LAMA2: variants seen among roughly 807,000 people sequenced by gnomAD.
LAMA2 encodes the protein laminin subunit alpha-2.
Under a neutral mutation model 364.8 loss-of-function variants are expected in LAMA2, and 269 were observed. That is an observed-to-expected ratio of 0.74 (90% CI 0.67 to 0.82). LAMA2 has a LOEUF of 0.82. Among genes scored for constraint, LAMA2 ranks in the 40% least tolerant of loss-of-function variants. The pLI, the probability that LAMA2 is intolerant of heterozygous loss-of-function variation, is 0.00. For missense variants in LAMA2, 3,807 were observed against 3,873.2 expected (o/e 0.98, Z 0.45); for synonymous variants, 1,379 against 1,370.6 (o/e 1.01, Z -0.14).
intron 1 of LAMA2, among the ~76,000 whole-genome samples, chr6:128,978,730 G>A (rs561162269): frequency 2.6e-5 from 4 of 152,240 alleles, no homozygotes; most frequent in African/African-American, 9.6e-5. Flanking sequence ...TAAGAAACAG[G>A]GTTCTCAATA....
chr6:129,253,892 A>G (rs530545829), intron 14 of LAMA2, among the ~76,000 whole-genome samples: 31 of 152,198 alleles, frequency 2.0e-4, no homozygotes, highest in South Asian at 8.3e-4. Context: ...AGCTAATCCA[A>G]GTAGGTGGCT....
chr6:129,477,472 C>T (rs1002490369), intron 53 of LAMA2, among the ~76,000 whole-genome samples: 2 of 152,138 alleles, frequency 1.3e-5, no homozygotes, highest in Non-Finnish European at 2.9e-5. Context: ...TATGTAGGTA[C>T]TATGATTATT....
chr6:129,341,268 C>T (rs996509054), intron 29 of LAMA2, among the ~76,000 whole-genome samples: 5 of 152,170 alleles, frequency 3.3e-5, no homozygotes, highest in African/African-American at 1.2e-4. Flanking sequence ...CTGGCGGCTT[C>T]GTGGCTCCAG....
At chr6:129,243,717 T>A (rs1299073476) in intron 12 of LAMA2, among the ~76,000 whole-genome samples, 1 of 151,860 alleles carries the variant, frequency 6.6e-6, no homozygotes, top group African/African-American at 2.4e-5. Flanking sequence ...ATTGTAGTGG[T>A]CACATTGAAA....
At chr6:129,253,368 TC>T (rs1481976055) in intron 14 of LAMA2, among the ~76,000 whole-genome samples, 1 of 152,126 alleles carries the variant, frequency 6.6e-6, no homozygotes, top group African/African-American at 2.4e-5. Context: ...ACCTCTCACC[TC>T]CCTGTCCCTC....
chr6:128,886,347 A>G (rs1776147386), intron 1 of LAMA2, among the ~76,000 whole-genome samples: 1 of 152,130 alleles, frequency 6.6e-6, no homozygotes, highest in African/African-American at 2.4e-5. Context: ...CATTGTTTAT[A>G]TGTTTAGGAA....
intron 10 of LAMA2, among the ~76,000 whole-genome samples, chr6:129,180,238 A>G (rs983981882): frequency 3.3e-5 from 5 of 152,276 alleles, no homozygotes; most frequent in African/African-American, 1.2e-4. Context: ...GGAGATATAA[A>G]TTCAAATTAA....
intron 12 of LAMA2, among the ~76,000 whole-genome samples, chr6:129,225,932 G>A (rs911019544): frequency 6.6e-6 from 1 of 152,018 alleles, no homozygotes; most frequent in East Asian, 1.9e-4. Flanking sequence ...TTGACAGTGG[G>A]GTGTTAAAGT....
At chr6:129,416,851 G>T (rs968758515) in intron 40 of LAMA2, among the ~76,000 whole-genome samples, 2 of 152,194 alleles carry the variant, frequency 1.3e-5, no homozygotes, top group African/African-American at 4.8e-5. Context: ...ACTGTGCACA[G>T]CTAAGCGTGC....
intron 40 of LAMA2, among the ~76,000 whole-genome samples, chr6:129,421,601 AG>A (rs2114730031): frequency 6.6e-6 from 1 of 152,248 alleles, no homozygotes; most frequent in Admixed American, 6.5e-5. Flanking sequence ...ATGCTGGAAA[AG>A]GTTCTCTCCA....
intron 4 of LAMA2, among the ~76,000 whole-genome samples, chr6:129,100,016 A>G (rs1267737555): frequency 6.6e-6 from 1 of 152,230 alleles, no homozygotes; most frequent in Non-Finnish European, 1.5e-5. Context: ...TAAGACTAAT[A>G]ATTCTCAAAC....
rs370458956 is a variant in LAMA2, at chr6:129,011,719, G to A, written c.113-38199G>A. 6.6e-5 allele frequency among the ~76,000 whole-genome samples: 10 copies of A among 152,246 alleles called. No homozygotes were observed. The East Asian group carries it at 1.7e-3, about 26-fold the overall frequency. ...GTTTCTCTTAGTACTGTTTACTCCGGACTTTCAGGGTCAGTAGGCAAGCTT... is the reference window on the plus strand; with the variant it reads ...GTTTCTCTTAGTACTGTTTACTCCGAACTTTCAGGGTCAGTAGGCAAGCTT... On this transcript the variant is annotated intron_variant, in intron 1 of 64. Coordinates refer to ENST00000421865, the MANE Select transcript of LAMA2 (RefSeq NM_000426.4).
rs1249555595 is a variant in LAMA2, at chr6:129,395,723, C to A, written c.5445+2468C>A. ...TAAGCAAAGGAGGGAGTCTAAGTCA[C>A]CCCTGAGTTTAGGAAGAGCTTTGTA... On this transcript the variant is annotated intron_variant, in intron 37 of 64. Transcript: ENST00000421865. 2.0e-5 allele frequency among the ~76,000 whole-genome samples: 3 copies of A among 152,210 alleles called. No homozygotes were observed. In the East Asian group the frequency reaches 5.8e-4, roughly 29 times the overall value.
intron 4 of LAMA2, among the ~76,000 whole-genome samples, chr6:129,119,731 G>T (rs1396045360): frequency 6.6e-6 from 1 of 151,978 alleles, no homozygotes; most frequent in African/African-American, 2.4e-5. Flanking sequence ...TGTATTTTTA[G>T]TACAGACGGG....
At chr6:129,443,028 T>G in intron 43 of LAMA2, 35 bp from the exon 44 acceptor site, 1 of 1,528,128 alleles carries the variant, frequency 6.5e-7, no homozygotes, top group Non-Finnish European at 9.0e-7. Context: ...TTTATAATTT[T>G]TTTTTGTTTT....
chr6:129,335,356 G>GTAGGTAGGTAGATAGA (rs763964423), intron 29 of LAMA2, among the ~76,000 whole-genome samples: 2 of 148,366 alleles, frequency 1.3e-5, no homozygotes, highest in African/African-American at 5.0e-5. Context: ...TAGTAAGTAG[G>GTAGGTAGGTAGATAGA]TAGATAGATA....
intron 30 of LAMA2, among the ~76,000 whole-genome samples, chr6:129,346,896 C>T (rs1370841245): frequency 6.6e-6 from 1 of 152,076 alleles, no homozygotes; most frequent in Non-Finnish European, 1.5e-5. Flanking sequence ...ACAGATGAGA[C>T]TTGTGCAGAA....
At chr6:129,115,192 T>A (rs1435146876) in intron 4 of LAMA2, among the ~76,000 whole-genome samples, 1 of 152,078 alleles carries the variant, frequency 6.6e-6, no homozygotes, top group Non-Finnish European at 1.5e-5. Context: ...GCCAGGAAAT[T>A]CCCAATTTTG....
chr6:129,023,577 T>C (rs1273748302), intron 1 of LAMA2, among the ~76,000 whole-genome samples: 1 of 152,220 alleles, frequency 6.6e-6, no homozygotes, highest in African/African-American at 2.4e-5. Context: ...TCTTTGAGTC[T>C]TCCTTCTCTC....
Sources: gnomAD v4.1 joint callset for allele counts (sites outside exome capture counted in the v4.1 genomes callset) on GRCh38, gnomAD v4.1.1 for gene constraint, MANE v1.5 for transcripts, NCBI Gene and HGNC (gene_info 2026-07-23, HGNC 2026-07-21) for gene names.